Variants in RASSF2 observed in about 807,000 individuals in gnomAD.
The protein encoded by RASSF2 is ras association domain-containing protein 2.
In RASSF2, 34 loss-of-function variants were observed where a neutral mutation model predicts 46.3. That is an observed-to-expected ratio of 0.73 (90% confidence interval 0.56 to 0.98). The LOEUF (loss-of-function observed/expected upper bound fraction) is 0.98, where lower values mean the gene tolerates loss of function less well. Among genes scored for constraint, RASSF2 ranks in the 50% least tolerant of loss-of-function variants. RASSF2 has a pLI of 0.00. For missense variants in RASSF2, 364 were observed against 431.2 expected (o/e 0.84, Z 1.38); for synonymous variants, 158 against 162.5 (o/e 0.97, Z 0.21).
chr20:4,801,535 A>G (rs2122561791), intron 2 of RASSF2, among the ~76,000 whole-genome samples: 1 of 152,262 alleles, frequency 6.6e-6, no homozygotes, highest in African/African-American at 2.4e-5. Flanking sequence ...AAATATTACA[A>G]TGTGAAAGAC....
At chr20:4,793,767 AC>A (rs1172044948) in intron 5 of RASSF2, among the ~76,000 whole-genome samples, 1 of 152,152 alleles carries the variant, frequency 6.6e-6, no homozygotes, top group Non-Finnish European at 1.5e-5. Flanking sequence ...GGCACGATCC[AC>A]CACGCACAGC....
chr20:4,802,897 C>CATAT (rs368496670), intron 2 of RASSF2, among the ~76,000 whole-genome samples: 77 of 127,000 alleles, frequency 6.1e-4, no homozygotes, highest in African/African-American at 2.2e-3. Context: ...TATATATATA[C>CATAT]ATATATATAT....
intron 4 of RASSF2, among the ~76,000 whole-genome samples, chr20:4,796,947 A>G (rs2326555): frequency 0.25 from 38,517 of 152,022 alleles, 5,360 homozygotes; most frequent in African/African-American, 0.36. Context: ...TGGGTCATGG[A>G]ACACATCTTC....
chr20:4,820,480 A>G (rs1021450091), intron 2 of RASSF2, among the ~76,000 whole-genome samples: 7 of 152,140 alleles, frequency 4.6e-5, no homozygotes, highest in African/African-American at 1.4e-4. Flanking sequence ...ACTGCACTCC[A>G]GCCTGGGCGA....
chr20:4,798,930 C>T (rs764867445), intron 3 of RASSF2, among the ~76,000 whole-genome samples: 2 of 151,434 alleles, frequency 1.3e-5, no homozygotes. Context: ...AAATTATCAG[C>T]GAAGAGAATG....
intron 5 of RASSF2, among the ~76,000 whole-genome samples, chr20:4,793,772 G>A (rs921736436): frequency 3.9e-5 from 6 of 152,008 alleles, no homozygotes; most frequent in East Asian, 3.9e-4. Flanking sequence ...GATCCACCAC[G>A]CACAGCCTCA....
At chr20:4,784,810 T>C (rs1925161056) in intron 11 of RASSF2, among the ~76,000 whole-genome samples, 1 of 152,114 alleles carries the variant, frequency 6.6e-6, no homozygotes, top group African/African-American at 2.4e-5. Context: ...TGGTTCAACC[T>C]TATAACAGAA....
chr20:4,789,743 C>T, intron 7 of RASSF2, 46 bp from the exon 8 acceptor site: 2 of 1,524,950 alleles, frequency 1.3e-6, no homozygotes, highest in Non-Finnish European at 1.8e-6. Context: ...GGAACAAGGA[C>T]CCAGTGCTAA....
chr20:4,787,514 A>T (rs1054849220), intron 10 of RASSF2, 119 bp downstream of exon 10: 42 of 1,273,068 alleles, frequency 3.3e-5, no homozygotes, highest in Non-Finnish European at 4.4e-5. Flanking sequence ...CCTGGTGCTG[A>T]AGAAGTAAAA....
intron 8 of RASSF2, 110 bp from the exon 9 acceptor site, chr20:4,788,378 T>A: frequency 2.1e-6 from 2 of 964,260 alleles, no homozygotes; most frequent in Non-Finnish European, 3.3e-6. Flanking sequence ...TAGGCTGTTT[T>A]GAGGGGAGAG....
chr20:4,813,782 CGTGT>C (rs11468773), intron 2 of RASSF2, among the ~76,000 whole-genome samples: 2 of 150,240 alleles, frequency 1.3e-5, no homozygotes, highest in South Asian at 2.1e-4. Context: ...CAGTGTGTGG[CGTGT>C]GTGTGTGTGT....
At chr20:4,800,425 T>C (rs1926762972) in intron 3 of RASSF2, among the ~76,000 whole-genome samples, 1 of 152,132 alleles carries the variant, frequency 6.6e-6, no homozygotes, top group South Asian at 2.1e-4. Context: ...ACAGCTCTGG[T>C]GGCCAGGAAG....
chr20:4,782,439 C>T lies in RASSF2; in HGVS notation c.*1834G>A, dbSNP rs1359166234. On this transcript the variant is annotated 3_prime_UTR_variant, in exon 12 of 12. Coordinates refer to ENST00000379400, the MANE Select transcript of RASSF2 (RefSeq NM_014737.3). ...TAACAAAGGAAGCCTCTCCCGGTGG[C>T]TACTCTTTGTCTTCTTACCCCAGTT... 1 of 152,698 alleles carries T rather than the reference C, an allele frequency of 6.5e-6. No homozygotes were observed. Among genetic ancestry groups the T allele is most frequent in the African/African-American group, 2.4e-5 (1 of 41,466 alleles). 9.5% of individuals were successfully genotyped at this position (152,698 alleles called of 1,614,324 possible). A position where few individuals can be genotyped will look rare whatever the true frequency, so the allele number is the denominator to read the frequency against.
intron 2 of RASSF2, among the ~76,000 whole-genome samples, chr20:4,813,290 G>C (rs1476362503): frequency 6.6e-6 from 1 of 152,126 alleles, no homozygotes; most frequent in Non-Finnish European, 1.5e-5. Flanking sequence ...GGCCATGCTG[G>C]GGTTTCTTCA....
chr20:4,786,302 C>T lies in RASSF2; in HGVS notation c.840G>A (p.Met280Ile). The T allele has an allele frequency of 3.1e-6, 5 of 1,612,680 alleles. No homozygotes were observed. The highest frequency in any genetic ancestry group is 4.2e-6 in the Non-Finnish European group (5 of 1,178,674). Residue 280 changes from methionine (M) to isoleucine (I), a missense_variant, in exon 11 of 12, where the codon ATG becomes ATA. Coordinates refer to ENST00000379400, the MANE Select transcript of RASSF2 (RefSeq NM_014737.3). ...YDVAQYIKFE[M>I]PVLKSFIQKL... Reference sequence around the variant, plus strand: ...TCTGAATGAAGCTTTTAAGTACCGGCATCTCGAACTTTATATACTGGGCCA... The same window carrying T: ...TCTGAATGAAGCTTTTAAGTACCGGTATCTCGAACTTTATATACTGGGCCA...
At chr20:4,800,850 T>C (rs3818277) in intron 3 of RASSF2, 122 bp downstream of exon 3, 98,860 of 802,196 alleles carry the variant, frequency 0.12, 9,540 homozygotes, top group African/African-American at 0.42. Flanking sequence ...CCTTCCCCCA[T>C]GCAGGAGCCC....
intron 2 of RASSF2, among the ~76,000 whole-genome samples, chr20:4,810,541 C>T (rs1261268748): frequency 6.6e-6 from 1 of 152,174 alleles, no homozygotes; most frequent in African/African-American, 2.4e-5. Flanking sequence ...AGGACCCTGG[C>T]TCGCCCTACG....
intron 2 of RASSF2, among the ~76,000 whole-genome samples, chr20:4,809,746 G>C (rs1403366894): frequency 3.9e-5 from 6 of 152,212 alleles, no homozygotes; most frequent in Non-Finnish European, 5.9e-5. Flanking sequence ...AAACCTGTAA[G>C]GGAGTGGGGG....
Position 4,790,916 on chromosome 20 carries a change from C to T in RASSF2, c.377-305G>A, listed in dbSNP as rs1047022674. Among the ~76,000 whole-genome samples, 1 of 152,130 alleles carries T rather than the reference C, an allele frequency of 6.6e-6. No homozygotes were observed. Among genetic ancestry groups the T allele is most frequent in the Non-Finnish European group, 1.5e-5 (1 of 68,024 alleles). ...ATATAAAATAGGGATAATAATAACA[C>T]CCACCTCAGAGGGTTGCTGAGGGTT... is the stretch of plus-strand genomic sequence containing the variant. On this transcript the variant is annotated intron_variant, in intron 6 of 11. Coordinates refer to ENST00000379400, the MANE Select transcript of RASSF2 (RefSeq NM_014737.3). The surrounding 1 kb of genome is among the most constrained non-coding windows in gnomAD (Gnocchi z 4.3).
Sources: allele counts gnomAD v4.1 joint callset (sites outside exome capture counted in the v4.1 genomes callset), GRCh38; gene constraint gnomAD v4.1.1; non-coding constraint Gnocchi (gnomAD v3.1); transcripts MANE v1.5; gene names NCBI Gene and HGNC (gene_info 2026-07-23, HGNC 2026-07-21).